The following STK32B variants were observed in gnomAD, a reference collection of about 807,000 sequenced individuals.
The protein encoded by STK32B is serine/threonine-protein kinase 32B.
In STK32B, 43 loss-of-function variants were observed where a neutral mutation model predicts 52.6. The observed-to-expected ratio is 0.82, with a 90% CI of 0.64 to 1.05. The LOEUF (loss-of-function observed/expected upper bound fraction) is 1.05. Ranked by LOEUF, STK32B falls within the 50% of genes least tolerant of loss-of-function variation. STK32B has a pLI of 0.00. For missense variants in STK32B, 621 were observed against 534.6 expected (o/e 1.16, Z -1.59); for synonymous variants, 238 against 204.3 (o/e 1.17, Z -1.41).
chr4:5,382,634 C>A (rs1381705727), intron 4 of STK32B, among the ~76,000 whole-genome samples: 1 of 152,146 alleles, frequency 6.6e-6, no homozygotes, highest in African/African-American at 2.4e-5. Flanking sequence ...CTTTTATTCC[C>A]AGTCTCAGTT....
chr4:5,062,543 G>C lies in STK32B; in HGVS notation c.52+10628G>C, dbSNP rs560917849. ...TTTTTTTGAGACGGAGTCTTGCACTGTCGCCCAGGCTGGAGTGCAGTGGCA... is the reference window on the plus strand; with the variant it reads ...TTTTTTTGAGACGGAGTCTTGCACTCTCGCCCAGGCTGGAGTGCAGTGGCA... On this transcript the variant is annotated intron_variant, in intron 1 of 11. Coordinates refer to ENST00000282908, the MANE Select transcript of STK32B (RefSeq NM_018401.3). Among the ~76,000 whole-genome samples the C allele has an allele frequency of 7.2e-5, 11 of 152,214 alleles. No individual in the cohort carries two copies. The East Asian group carries it at 1.9e-3, about 27-fold the overall frequency.
At chr4:5,245,359 G>T (rs532138132) in intron 3 of STK32B, among the ~76,000 whole-genome samples, 170 of 152,050 alleles carry the variant, frequency 1.1e-3, no homozygotes, top group African/African-American at 3.3e-3. Flanking sequence ...TTTTGATCTT[G>T]GTTGGTTTAA....
chr4:5,248,885 T>G (rs1013407618), intron 3 of STK32B, among the ~76,000 whole-genome samples: 3 of 146,440 alleles, frequency 2.0e-5, no homozygotes, highest in Non-Finnish European at 3.0e-5. Flanking sequence ...TGAGAACACT[T>G]GGACGCAGGA....
rs183529444 is a variant in STK32B, at chr4:5,253,997, G to T, written c.261-77223G>T. ...AGACAGGGTCTCACCATGTTGGCCA[G>T]GCTGGTCTTGAACTCCTGACCTCGT... On this transcript the variant is annotated intron_variant, in intron 3 of 11. Coordinates refer to ENST00000282908, the MANE Select transcript of STK32B (RefSeq NM_018401.3). Among the ~76,000 whole-genome samples the T allele has an allele frequency of 2.0e-5, 3 of 152,226 alleles. No individual in the cohort carries two copies. The East Asian group carries it at 5.8e-4, about 30-fold the overall frequency.
chr4:5,434,076 C>A (rs1713820107), intron 6 of STK32B, among the ~76,000 whole-genome samples: 2 of 152,184 alleles, frequency 1.3e-5, no homozygotes, highest in African/African-American at 4.8e-5. Flanking sequence ...TGAGGCTGAT[C>A]TTTCCAGGCC....
At chr4:5,198,598 T>G (rs1424742719) in intron 3 of STK32B, among the ~76,000 whole-genome samples, 2 of 152,264 alleles carry the variant, frequency 1.3e-5, no homozygotes, top group East Asian at 3.9e-4. Context: ...AATGGACCCC[T>G]CTCACTCTCT....
At chr4:5,080,469 C>G (rs1048271799) in intron 1 of STK32B, among the ~76,000 whole-genome samples, 1 of 152,120 alleles carries the variant, frequency 6.6e-6, no homozygotes, top group Admixed American at 6.6e-5. Flanking sequence ...TTTTTTAGAT[C>G]TTTTCTGAAA....
intron 3 of STK32B, among the ~76,000 whole-genome samples, chr4:5,190,603 A>G (rs1721108597): frequency 6.6e-6 from 1 of 152,196 alleles, no homozygotes. Flanking sequence ...CTCACCCTGA[A>G]GAGTGCCCGC....
intron 3 of STK32B, among the ~76,000 whole-genome samples, chr4:5,302,013 T>G (rs960524325): frequency 1.3e-5 from 2 of 151,854 alleles, no homozygotes; most frequent in Non-Finnish European, 2.9e-5. Context: ...CCTCCATTAC[T>G]TCTATCCTTT....
chr4:5,138,292 T>A (rs1331777406), intron 1 of STK32B, among the ~76,000 whole-genome samples: 4 of 152,224 alleles, frequency 2.6e-5, no homozygotes, highest in African/African-American at 7.2e-5. Flanking sequence ...ATAATTATCC[T>A]CCATTGCATA....
intron 3 of STK32B, among the ~76,000 whole-genome samples, chr4:5,175,977 T>G (rs553708708): frequency 2.0e-5 from 3 of 152,366 alleles, no homozygotes; most frequent in African/African-American, 7.2e-5. Flanking sequence ...CTGCTTTGTT[T>G]ACCTACGCAA....
intron 3 of STK32B, among the ~76,000 whole-genome samples, chr4:5,286,044 G>C (rs549412323): frequency 6.6e-6 from 1 of 151,780 alleles, no homozygotes; most frequent in African/African-American, 2.4e-5. Context: ...GTGAGAAGAC[G>C]GCCGTCTACA....
intron 3 of STK32B, among the ~76,000 whole-genome samples, chr4:5,255,512 G>A (rs992707742): frequency 2.6e-5 from 4 of 151,792 alleles, no homozygotes; most frequent in African/African-American, 9.7e-5. Flanking sequence ...ACATATGCTT[G>A]TCGGTGACAA....
At chr4:5,478,153 T>C (rs1437355099) in intron 11 of STK32B, among the ~76,000 whole-genome samples, 1 of 152,156 alleles carries the variant, frequency 6.6e-6, no homozygotes, top group Admixed American at 6.5e-5. Context: ...ATTCTCACCC[T>C]AAAAATGGGC....
chr4:5,190,300 C>T (rs1290336196), intron 3 of STK32B, among the ~76,000 whole-genome samples: 1 of 152,200 alleles, frequency 6.6e-6, no homozygotes, highest in Non-Finnish European at 1.5e-5. Context: ...TATGGGGTAT[C>T]TGACACTCTG....
intron 11 of STK32B, among the ~76,000 whole-genome samples, chr4:5,480,291 T>C (rs983301338): frequency 6.6e-6 from 1 of 152,186 alleles, no homozygotes; most frequent in African/African-American, 2.4e-5. Flanking sequence ...CCGTGGCCCA[T>C]GACACAGCCC....
At chr4:5,498,912 G>A (rs199790494) in intron 11 of STK32B, 33 bp from the exon 12 acceptor site, 92 of 1,588,232 alleles carry the variant, frequency 5.8e-5, no homozygotes, top group Middle Eastern at 1.7e-4. Context: ...ACCCCATGCC[G>A]CACCACTAAC....
chr4:5,240,432 C>T (rs1352070998), intron 3 of STK32B, among the ~76,000 whole-genome samples: 1 of 151,986 alleles, frequency 6.6e-6, no homozygotes, highest in East Asian at 1.9e-4. Flanking sequence ...TACCTTTTGA[C>T]ATGTAGAAGT....
chr4:5,455,275 A>G (rs1716395738), intron 7 of STK32B, among the ~76,000 whole-genome samples: 1 of 152,214 alleles, frequency 6.6e-6, no homozygotes. Context: ...TTGCCGTTCC[A>G]TGAGGTTGGA....
Sources: allele counts gnomAD v4.1 joint callset (sites outside exome capture counted in the v4.1 genomes callset), GRCh38; gene constraint gnomAD v4.1.1; transcripts MANE v1.5; gene names NCBI Gene and HGNC (gene_info 2026-07-23, HGNC 2026-07-21).